GPC5: variants seen among roughly 807,000 people sequenced by gnomAD.
The protein encoded by GPC5 is glypican 5.
A neutral mutation model predicts 53.9 loss-of-function variants in GPC5; 47 were observed. That is an observed-to-expected ratio of 0.87 (90% CI 0.69 to 1.11). The LOEUF is 1.11. GPC5 is among the 50% of genes most tolerant of loss of function. GPC5 has a pLI of 0.00. For missense variants in GPC5, 748 were observed against 713.1 expected (o/e 1.05, Z -0.56); for synonymous variants, 286 against 263.3 (o/e 1.09, Z -0.84).
chr13:92,472,346 A>G (rs1203659548), intron 7 of GPC5, among the ~76,000 whole-genome samples: 2 of 152,096 alleles, frequency 1.3e-5, no homozygotes, highest in African/African-American at 2.4e-5. Flanking sequence ...AGCAAAACCA[A>G]TGCTACTCCT....
chr13:92,164,407 G>T (rs1459900551), intron 7 of GPC5, among the ~76,000 whole-genome samples: 1 of 152,216 alleles, frequency 6.6e-6, no homozygotes, highest in Non-Finnish European at 1.5e-5. Flanking sequence ...AGGGGCTGCA[G>T]TTCCCATGCA....
intron 7 of GPC5, among the ~76,000 whole-genome samples, chr13:92,709,197 C>T (rs1386247950): frequency 6.6e-6 from 1 of 151,402 alleles, no homozygotes; most frequent in Non-Finnish European, 1.5e-5. Flanking sequence ...TAGGTGTGCG[C>T]AACCACGCCC....
At chr13:92,532,444 T>C (rs574792780) in intron 7 of GPC5, among the ~76,000 whole-genome samples, 42 of 152,282 alleles carry the variant, frequency 2.8e-4, no homozygotes, top group African/African-American at 9.9e-4. Flanking sequence ...CAAAAGATGA[T>C]GTAAGTGGCT....
chr13:91,442,941 G>T (rs1037729555), intron 1 of GPC5, among the ~76,000 whole-genome samples: 2 of 152,122 alleles, frequency 1.3e-5, no homozygotes, highest in Admixed American at 6.6e-5. Flanking sequence ...ATATCCAAAA[G>T]GAAGGATACC....
At chr13:92,624,771 G>C (rs1376356311) in intron 7 of GPC5, among the ~76,000 whole-genome samples, 1 of 152,132 alleles carries the variant, frequency 6.6e-6, no homozygotes, top group African/African-American at 2.4e-5. Context: ...TTCTCTGCGG[G>C]GAGACATAAC....
chr13:92,680,461 C>T (rs1317525217), intron 7 of GPC5, among the ~76,000 whole-genome samples: 3 of 152,044 alleles, frequency 2.0e-5, no homozygotes, highest in South Asian at 2.1e-4. Flanking sequence ...AATCTTTCTC[C>T]TGCAAAACAG....
chr13:92,086,602 T>C (rs535701824), intron 6 of GPC5, among the ~76,000 whole-genome samples: 1 of 152,268 alleles, frequency 6.6e-6, no homozygotes, highest in Non-Finnish European at 1.5e-5. Context: ...TGTAGAACAC[T>C]TTTTTCTTCC....
chr13:91,830,801 A>G (rs1566291382), intron 5 of GPC5, among the ~76,000 whole-genome samples: 1 of 139,072 alleles, frequency 7.2e-6, no homozygotes, highest in East Asian at 2.1e-4. Flanking sequence ...TATTATATAT[A>G]TAATATATAT....
intron 7 of GPC5, among the ~76,000 whole-genome samples, chr13:92,222,070 C>T (rs1400144455): frequency 6.6e-6 from 1 of 152,040 alleles, no homozygotes; most frequent in African/African-American, 2.4e-5. Context: ...TTTTTGTTTT[C>T]CCAGGACTAA....
intron 5 of GPC5, among the ~76,000 whole-genome samples, chr13:91,879,011 A>G (rs959685251): frequency 9.9e-5 from 15 of 152,144 alleles, no homozygotes; most frequent in Non-Finnish European, 1.6e-4. Context: ...TCTCTCTCTA[A>G]TTCTTGCAAC....
Position 92,627,819 on chromosome 13 carries a change from T to A in GPC5, c.1562-238463T>A, listed in dbSNP as rs192938521. On this transcript the variant is annotated intron_variant, in intron 7 of 7. Transcript: ENST00000377067. ...AAATATATGTTCTCCTATCTTTCTA[T>A]CTTAATCAGTATATATTTCCCCTCC... Among the ~76,000 whole-genome samples the A allele has an allele frequency of 3.9e-5, 6 of 152,322 alleles. No individual in the cohort carries two copies. In the East Asian group the frequency reaches 1.2e-3, roughly 29 times the overall value.
At chr13:91,572,143 A>C in intron 2 of GPC5, among the ~76,000 whole-genome samples, 1 of 143,678 alleles carries the variant, frequency 7.0e-6, no homozygotes, top group African/African-American at 2.6e-5. Flanking sequence ...ACACATATGT[A>C]TATATACGTG....
At chr13:92,554,937 G>GC (rs1555289949) in intron 7 of GPC5, among the ~76,000 whole-genome samples, 3 of 147,136 alleles carry the variant, frequency 2.0e-5, no homozygotes, top group Non-Finnish European at 3.0e-5. Context: ...TAAGTTTTGA[G>GC]TTTGTTTTTT....
At chr13:92,008,579 A>T (rs2352536) in intron 6 of GPC5, among the ~76,000 whole-genome samples, 149,510 of 152,190 alleles carry the variant, frequency 0.98, 73,493 homozygotes, top group Middle Eastern at 1. Flanking sequence ...AATAAAGTTT[A>T]GCTGGATATA....
intron 7 of GPC5, among the ~76,000 whole-genome samples, chr13:92,513,316 G>A (rs545570277): frequency 6.6e-6 from 1 of 152,018 alleles, no homozygotes; most frequent in Non-Finnish European, 1.5e-5. Context: ...ATCCTTTTTT[G>A]TCCAATGTTT....
rs946104033 is a variant in GPC5 at position 92,080,337 on chromosome 13, C to T, written c.1402-64493C>T. Among the ~76,000 whole-genome samples the T allele has an allele frequency of 5.9e-5, 9 of 152,330 alleles. No homozygotes were observed. The East Asian group carries it at 1.5e-3, about 26-fold the overall frequency. ...AGTGCTGATGGCTTCCAAGCAGGTGCTCCCGCCTTTTGCTCAGCTCCAGAC... is the reference window on the plus strand; with the variant it reads ...AGTGCTGATGGCTTCCAAGCAGGTGTTCCCGCCTTTTGCTCAGCTCCAGAC... On this transcript the variant is annotated intron_variant, in intron 6 of 7. Coordinates refer to ENST00000377067, the MANE Select transcript of GPC5 (RefSeq NM_004466.6).
chr13:91,621,904 G>A (rs1340357949), intron 2 of GPC5, among the ~76,000 whole-genome samples: 2 of 151,662 alleles, frequency 1.3e-5, no homozygotes, highest in Non-Finnish European at 2.9e-5. Context: ...CTCAAAAGTA[G>A]GGAAGCCAAC....
At chr13:91,918,641 G>A (rs774423511) in intron 6 of GPC5, among the ~76,000 whole-genome samples, 3 of 152,024 alleles carry the variant, frequency 2.0e-5, no homozygotes, top group Non-Finnish European at 2.9e-5. Flanking sequence ...CTTTTGCTAA[G>A]CTCACTGATT....
intron 7 of GPC5, among the ~76,000 whole-genome samples, chr13:92,319,410 TAAAAA>T (rs67635557): frequency 9.2e-6 from 1 of 108,758 alleles, no homozygotes; most frequent in African/African-American, 3.1e-5. Context: ...TCTCTGAAAC[TAAAAA>T]AAAAAAAAAA....
Sources: allele counts gnomAD v4.1 joint callset (sites outside exome capture counted in the v4.1 genomes callset), GRCh38; gene constraint gnomAD v4.1.1; transcripts MANE v1.5; gene names NCBI Gene and HGNC (gene_info 2026-07-23, HGNC 2026-07-21).